Variants in DNAH6 observed in about 807,000 individuals in gnomAD.
DNAH6 encodes the protein axonemal beta dynein heavy chain 6.
In DNAH6, 340 loss-of-function variants were observed where a neutral mutation model predicts 491.4. The ratio of observed to expected loss-of-function variants is 0.69; its 90% CI spans 0.63 to 0.76. DNAH6 has a LOEUF of 0.76. Ranked by LOEUF, DNAH6 falls within the 30% of genes least tolerant of loss-of-function variation. The pLI is 0.00. For synonymous variants in DNAH6, 1,603 were observed against 1,686.1 expected, an observed-to-expected ratio of 0.95 and a Z score of 1.21; for missense variants, 4,443 against 4,972.2, an observed-to-expected ratio of 0.89 and a Z score of 3.20.
the DNAH6 span, among the ~76,000 whole-genome samples, chr2:84,470,161 A>G: frequency 6.6e-6 from 1 of 152,082 alleles, no homozygotes; most frequent in Non-Finnish European, 1.5e-5. Flanking sequence ...CGCCAGAAAT[A>G]TGTTACAGGA....
At chr2:84,605,435 C>T (rs1230122457) in intron 19 of DNAH6, 65 bp from the exon 20 acceptor site, 6 of 1,037,290 alleles carry the variant, frequency 5.8e-6, no homozygotes, top group East Asian at 5.3e-5. Flanking sequence ...TTTCATTTCA[C>T]GTGCATTTAT....
At chr2:84,732,552 T>C (rs1016914620) in intron 61 of DNAH6, among the ~76,000 whole-genome samples, 1 of 152,216 alleles carries the variant, frequency 6.6e-6, no homozygotes, top group Non-Finnish European at 1.5e-5. Flanking sequence ...TATAATTTGA[T>C]TTCCATGAAG....
intron 29 of DNAH6, among the ~76,000 whole-genome samples, chr2:84,631,177 C>T (rs1450264435): frequency 6.6e-6 from 1 of 152,150 alleles, no homozygotes; most frequent in African/African-American, 2.4e-5. Context: ...CAACTACAGA[C>T]CAGGTCACGA....
intron 10 of DNAH6, among the ~76,000 whole-genome samples, chr2:84,555,443 C>T (rs1380912611): frequency 6.6e-6 from 1 of 152,096 alleles, no homozygotes; most frequent in African/African-American, 2.4e-5. Flanking sequence ...TTCCAAGAGC[C>T]TCTTTTTTAT....
chr2:84,509,168 T>C, the DNAH6 span, among the ~76,000 whole-genome samples: 1 of 152,202 alleles, frequency 6.6e-6, no homozygotes, highest in Non-Finnish European at 1.5e-5. Context: ...GAAAATGGGG[T>C]GCTAAAGTCT....
intron 62 of DNAH6, among the ~76,000 whole-genome samples, chr2:84,739,933 G>A (rs578160849): frequency 3.5e-4 from 53 of 151,888 alleles, no homozygotes; most frequent in Non-Finnish European, 7.1e-4. Flanking sequence ...GGGATCCTTT[G>A]GAGGTGATGA....
At position 84,544,358 on chromosome 2, in the gene DNAH6, AT is replaced by A; in HGVS notation, c.789del (p.His264ThrfsTer56). The A allele has an allele frequency of 6.5e-7, 1 of 1,545,616 alleles. No individual in the cohort carries two copies. The highest frequency in any genetic ancestry group is 8.8e-7 in the Non-Finnish European group (1 of 1,141,636). The stretch of plus-strand genomic sequence containing the variant: ...GATCGATGGGAACAGGAATATCTGT[AT>A]CACAGAGAACTCACTAAGATTCCCA... ...EIDRWEQEYL[Y>X]HRELTKIPIF... On this transcript the variant is annotated frameshift_variant, in exon 5 of 77. Coordinates refer to ENST00000389394, the MANE Select transcript of DNAH6 (RefSeq NM_001370.2). LOFTEE classifies it high-confidence loss of function.
At chr2:84,594,363 C>T (rs1018765871) in intron 17 of DNAH6, among the ~76,000 whole-genome samples, 3 of 90,492 alleles carry the variant, frequency 3.3e-5, no homozygotes, top group Non-Finnish European at 4.7e-5. Flanking sequence ...GGTTTCTAAA[C>T]ACAATGTTGT....
intron 4 of DNAH6, among the ~76,000 whole-genome samples, chr2:84,541,715 A>G (rs1052280504): frequency 6.6e-6 from 1 of 152,178 alleles, no homozygotes; most frequent in African/African-American, 2.4e-5. Flanking sequence ...AATCAGGGGG[A>G]AAAAACATGG....
At chr2:84,488,957 C>T in the DNAH6 span, among the ~76,000 whole-genome samples, 1 of 152,066 alleles carries the variant, frequency 6.6e-6, no homozygotes, top group Non-Finnish European at 1.5e-5. Flanking sequence ...GATAAGCCCT[C>T]ACCATAAGCT....
At chr2:84,601,024 A>AATAATACT (rs1355722942) in intron 18 of DNAH6, among the ~76,000 whole-genome samples, 17 of 147,230 alleles carry the variant, frequency 1.2e-4, no homozygotes, top group African/African-American at 4.2e-4. Flanking sequence ...TTATAATAAT[A>AATAATACT]ATGTTATTAT....
intron 21 of DNAH6, among the ~76,000 whole-genome samples, chr2:84,609,459 A>G (rs1020936929): frequency 6.6e-5 from 10 of 152,096 alleles, no homozygotes; most frequent in Admixed American, 6.6e-4. Context: ...GCCTAATTTC[A>G]ATATTGTTGT....
rs1558654249 is a variant in DNAH6, at chr2:84,518,007, G to A, written c.181G>A (p.Glu61Lys). ...LTFRHITKAQ[E>K]KTRKRQQPIK... ...GTTTAGGCACATTACAAAAGCTCAG[G>A]AGAAGACAAGAAAACGACAGCAGCC... Residue 61 changes from glutamate (E) to lysine (K), a missense_variant, in exon 2 of 77, where the codon GAG becomes AAG. Transcript: ENST00000389394. 6.5e-7 allele frequency: 1 copy of A among 1,549,882 alleles called. No individual in the cohort carries two copies. Among genetic ancestry groups the A allele is most frequent in the Non-Finnish European group, 8.7e-7 (1 of 1,146,378 alleles).
intron 60 of DNAH6, among the ~76,000 whole-genome samples, chr2:84,723,780 A>G (rs1427109630): frequency 6.6e-6 from 1 of 152,178 alleles, no homozygotes; most frequent in Non-Finnish European, 1.5e-5. Flanking sequence ...TCATATTCAC[A>G]GTTGAATTTC....
chr2:84,626,044 A>T (rs6736198), intron 29 of DNAH6, among the ~76,000 whole-genome samples: 35,876 of 152,068 alleles, frequency 0.24, 5,310 homozygotes, highest in Non-Finnish European at 0.33. Context: ...CTCATGAGAG[A>T]GTGAGAATGA....
At chr2:84,597,703 A>G (rs543290160) in intron 18 of DNAH6, among the ~76,000 whole-genome samples, 1 of 152,378 alleles carries the variant, frequency 6.6e-6, no homozygotes, top group South Asian at 2.1e-4. Context: ...AAGTAGGGGA[A>G]AAAACAAATT....
chr2:84,527,072 A>G (rs371073298), intron 3 of DNAH6, among the ~76,000 whole-genome samples: 1 of 152,150 alleles, frequency 6.6e-6, no homozygotes, highest in African/African-American at 2.4e-5. Flanking sequence ...TTATTCTGAG[A>G]AAAAGGTAAT....
Position 84,796,411 on chromosome 2 carries a change from A to T in DNAH6, c.11345A>T (p.Lys3782Ile). 6.6e-7 allele frequency: 1 copy of T among 1,524,092 alleles called. No homozygotes were observed. The highest frequency in any genetic ancestry group is 8.8e-7 in the Non-Finnish European group (1 of 1,131,534). 94.4% of individuals were successfully genotyped at this position (1,524,092 alleles called of 1,614,324 possible). A position where few individuals can be genotyped will look rare whatever the true frequency, so the allele number is the denominator to read the frequency against. The change falls in exon 69 of 77, where the codon AAA becomes ATA. Residue 3782 changes from lysine to isoleucine, a missense_variant. By Grantham distance (102) the Lys-to-Ile change is moderately radical (BLOSUM62 -3). Coordinates refer to ENST00000389394, the MANE Select transcript of DNAH6 (RefSeq NM_001370.2). ...FSPETLEEDY[K>I]YSESGIYFAP... ...CCTGAAACATTAGAAGAAGATTATA[A>T]ATACTCTGAATCAGGTGAATGACTT...
intron 18 of DNAH6, among the ~76,000 whole-genome samples, chr2:84,602,682 C>G (rs1235544973): frequency 1.3e-5 from 2 of 151,086 alleles, no homozygotes; most frequent in African/African-American, 2.4e-5. Flanking sequence ...ATTTTTGCAG[C>G]TGTTATTTTT....
Sources: allele counts gnomAD v4.1 joint callset (sites outside exome capture counted in the v4.1 genomes callset), GRCh38; gene constraint gnomAD v4.1.1; transcripts MANE v1.5; gene names NCBI Gene and HGNC (gene_info 2026-07-23, HGNC 2026-07-21).